The following DIAPH3 variants were observed in gnomAD, a reference collection of about 807,000 sequenced individuals.
The protein encoded by DIAPH3 is diaphanous related formin 3.
DIAPH3 carries 117 observed loss-of-function variants against 144.3 expected under a neutral mutation model. The ratio of observed to expected loss-of-function variants is 0.81; its 90% CI spans 0.70 to 0.95. DIAPH3 has a LOEUF of 0.95. Among genes scored for constraint, DIAPH3 ranks in the 40% least tolerant of loss-of-function variants. The pLI is 0.00. For missense variants in DIAPH3, 1,421 were observed against 1,412.7 expected (o/e 1.01, Z -0.09); for synonymous variants, 519 against 488.9 (o/e 1.06, Z -0.81).
At chr13:59,786,901 G>A (rs990693764) in intron 25 of DIAPH3, among the ~76,000 whole-genome samples, 3 of 152,080 alleles carry the variant, frequency 2.0e-5, no homozygotes, top group Non-Finnish European at 4.4e-5. Context: ...TTGAACCCAA[G>A]AGTTCAAGAC....
chr13:59,915,228 A>T (rs1449501722), intron 19 of DIAPH3, among the ~76,000 whole-genome samples: 4 of 152,230 alleles, frequency 2.6e-5, no homozygotes, highest in Admixed American at 2.6e-4. Flanking sequence ...GAGAAAAAAA[A>T]TGCTTAAATA....
intron 25 of DIAPH3, among the ~76,000 whole-genome samples, chr13:59,778,205 C>T (rs1385036899): frequency 6.6e-6 from 1 of 152,188 alleles, no homozygotes; most frequent in Non-Finnish European, 1.5e-5. Context: ...AAACGGAGAA[C>T]TGAGAATCCT....
intron 17 of DIAPH3, among the ~76,000 whole-genome samples, chr13:59,967,815 C>T (rs1161136433): frequency 6.6e-6 from 1 of 152,174 alleles, no homozygotes; most frequent in Non-Finnish European, 1.5e-5. Flanking sequence ...CTCATCTCTG[C>T]TTACCACTGA....
chr13:59,778,037 T>A (rs1235289633), intron 25 of DIAPH3, among the ~76,000 whole-genome samples: 1 of 152,198 alleles, frequency 6.6e-6, no homozygotes. Context: ...ACTAGAATAA[T>A]CTCATTGTTC....
At chr13:59,789,757 G>A (rs2039233200) in intron 25 of DIAPH3, among the ~76,000 whole-genome samples, 2 of 152,094 alleles carry the variant, frequency 1.3e-5, no homozygotes, top group African/African-American at 4.8e-5. Flanking sequence ...CTGGGAGCTT[G>A]GATTCGAGGC....
chr13:59,828,028 T>C (rs2041548762), intron 24 of DIAPH3, among the ~76,000 whole-genome samples: 1 of 151,958 alleles, frequency 6.6e-6, no homozygotes, highest in Non-Finnish European at 1.5e-5. Context: ...TAGAAAACAA[T>C]GATTAATGCT....
chr13:60,078,537 T>A (rs757145844), intron 4 of DIAPH3, among the ~76,000 whole-genome samples: 13 of 150,988 alleles, frequency 8.6e-5, no homozygotes, highest in Non-Finnish European at 1.5e-4. Context: ...GAATGGGTCA[T>A]TCAAAGTTAA....
chr13:59,806,322 C>T lies in DIAPH3; in HGVS notation c.3163+4466G>A, dbSNP rs547896056. On this transcript the variant is annotated intron_variant, in intron 25 of 27. Coordinates refer to ENST00000400324, the MANE Select transcript of DIAPH3 (RefSeq NM_001042517.2). ...CATGTTCTGTACTAAAATATAACAC[C>T]TGCGAAGAAAAATTACATAAAGTTT... Among the ~76,000 whole-genome samples the T allele has an allele frequency of 2.9e-3, 442 of 152,008 alleles. 2 individuals are homozygous for T. The highest frequency in any genetic ancestry group is 5.1e-3 in the Non-Finnish European group (347 of 67,848).
At chr13:60,068,878 T>C (rs577729091) in intron 4 of DIAPH3, among the ~76,000 whole-genome samples, 1 of 152,242 alleles carries the variant, frequency 6.6e-6, no homozygotes, top group Non-Finnish European at 1.5e-5. Context: ...ATTTGCTTTA[T>C]GCAGTTCACT....
At chr13:60,143,726 T>C (rs1951381158) in intron 1 of DIAPH3, among the ~76,000 whole-genome samples, 1 of 152,214 alleles carries the variant, frequency 6.6e-6, no homozygotes, top group Non-Finnish European at 1.5e-5. Context: ...TCTGTTTTGC[T>C]GGGTGTCAGT....
intron 2 of DIAPH3, among the ~76,000 whole-genome samples, chr13:60,113,054 T>G (rs17057658): frequency 0.049 from 7,418 of 150,246 alleles, 280 homozygotes; most frequent in African/African-American, 0.099. Flanking sequence ...ATTCCATGAG[T>G]TTTTTTTTAT....
At chr13:59,795,076 C>A (rs2039521577) in intron 25 of DIAPH3, among the ~76,000 whole-genome samples, 2 of 152,230 alleles carry the variant, frequency 1.3e-5, no homozygotes, top group South Asian at 4.1e-4. Context: ...TCTCCTCACT[C>A]TGTGTGGGCT....
chr13:59,746,254 GCTC>G (rs2036697605), intron 27 of DIAPH3, among the ~76,000 whole-genome samples: 1 of 151,906 alleles, frequency 6.6e-6, no homozygotes, highest in Admixed American at 6.6e-5. Context: ...ACAGAGTCTT[GCTC>G]TGTGGCCCAG....
intron 22 of DIAPH3, among the ~76,000 whole-genome samples, chr13:59,851,635 C>CTTTTTTTTTTTTT (rs200870976): frequency 8.9e-6 from 1 of 112,390 alleles, no homozygotes; most frequent in Non-Finnish European, 1.9e-5. Flanking sequence ...ATAGATGAAT[C>CTTTTTTTTTTTTT]TTTTTTTTTT....
intron 5 of DIAPH3, among the ~76,000 whole-genome samples, chr13:60,026,868 T>A (rs1027356664): frequency 2.6e-5 from 4 of 152,186 alleles, no homozygotes; most frequent in African/African-American, 9.6e-5. Context: ...TATTTTTAAT[T>A]ACCCAAAAGA....
chr13:59,821,014 T>A (rs1022727984), intron 24 of DIAPH3, among the ~76,000 whole-genome samples: 2 of 151,952 alleles, frequency 1.3e-5, no homozygotes, highest in Admixed American at 6.6e-5. Context: ...TGAAAAAAAG[T>A]TGAAAAGCTT....
At chr13:59,833,580 T>A (rs1198256840) in intron 23 of DIAPH3, among the ~76,000 whole-genome samples, 1 of 151,828 alleles carries the variant, frequency 6.6e-6, no homozygotes, top group Non-Finnish European at 1.5e-5. Context: ...TCATACAATA[T>A]GATTTAAAAT....
rs569076669 is a variant in DIAPH3 at position 59,690,000 on chromosome 13, T to G, written c.3320-23154A>C. On this transcript the variant is annotated intron_variant, in intron 27 of 27. Coordinates refer to ENST00000400324, the MANE Select transcript of DIAPH3 (RefSeq NM_001042517.2). ...GTCATCTAATTTGCACAATGTCACT[T>G]TACCCAAGAGGAAACCAAGGCCCAG... Among the ~76,000 whole-genome samples, 16 of 152,170 alleles carry G rather than the reference T, an allele frequency of 1.1e-4. No homozygotes were observed. In the East Asian group the frequency reaches 3.1e-3, roughly 29 times the overall value.
intron 2 of DIAPH3, among the ~76,000 whole-genome samples, chr13:60,118,864 A>G (rs928112210): frequency 7.2e-5 from 11 of 152,198 alleles, no homozygotes; most frequent in African/African-American, 2.4e-4. Context: ...TTCCCTGACC[A>G]CTTTATCTAA....
Sources: gnomAD v4.1 joint callset for allele counts (sites outside exome capture counted in the v4.1 genomes callset) on GRCh38, gnomAD v4.1.1 for gene constraint, MANE v1.5 for transcripts, NCBI Gene and HGNC (gene_info 2026-07-23, HGNC 2026-07-21) for gene names.